KCND3: variants seen among roughly 807,000 people sequenced by gnomAD.
KCND3 encodes potassium voltage-gated channel subfamily D member 3, also known as A-type voltage-gated potassium channel KCND3.
KCND3 carries 9 observed loss-of-function variants against 51.1 expected under a neutral mutation model. The observed-to-expected ratio is 0.18, with a 90% CI of 0.11 to 0.31. The LOEUF (loss-of-function observed/expected upper bound fraction) is 0.31, where lower values mean the gene tolerates loss of function less well. Among genes scored for constraint, KCND3 ranks in the 10% least tolerant of loss-of-function variants. The pLI, the probability that KCND3 is intolerant of heterozygous loss-of-function variation, is 1.00. For missense variants in KCND3, 526 were observed against 903.8 expected (o/e 0.58, Z 5.36); for synonymous variants, 349 against 368.0 (o/e 0.95, Z 0.59).
At chr1:111,846,917 C>T (rs904436680) in intron 2 of KCND3, among the ~76,000 whole-genome samples, 43 of 152,168 alleles carry the variant, frequency 2.8e-4, no homozygotes, top group African/African-American at 1.0e-3. Context: ...ACTCACAGCA[C>T]GGTAGTACCT....
chr1:111,812,792 A>G (rs1665914878), intron 2 of KCND3, among the ~76,000 whole-genome samples: 1 of 152,144 alleles, frequency 6.6e-6, no homozygotes, highest in African/African-American at 2.4e-5. Context: ...GGGCACAGGG[A>G]GCCGGGCACA....
intron 1 of KCND3, among the ~76,000 whole-genome samples, chr1:111,984,520 C>T (rs988338138): frequency 6.6e-6 from 1 of 152,174 alleles, no homozygotes; most frequent in Non-Finnish European, 1.5e-5. Context: ...GCCTTCTTGT[C>T]TCTCACTCTC....
chr1:111,770,857 TGTACA>T lies in KCND3; in HGVS notation c.*5215_*5219del. 6.6e-6 allele frequency: 1 copy of T among 152,292 alleles called. No homozygotes were observed. The highest frequency in any genetic ancestry group is 2.1e-4 in the South Asian group (1 of 4,826). The allele number at this position is 152,292 out of a possible 1,614,324, so 9.4% of individuals were successfully genotyped here. On this transcript the variant is annotated 3_prime_UTR_variant, in exon 8 of 8. Transcript: ENST00000302127. ...TTCATGTTTTATCTTCCTGCAGTTT[TGTACA>T]GTATATTTCTTCTTTGCCATTGTGA...
intron 2 of KCND3, among the ~76,000 whole-genome samples, chr1:111,969,547 AAC>A (rs1233007415): frequency 1.3e-5 from 2 of 152,202 alleles, no homozygotes; most frequent in Non-Finnish European, 2.9e-5. Flanking sequence ...TCAGCTACAA[AAC>A]ACAGATAATA....
At position 111,780,373 on chromosome 1, in the gene KCND3, C is replaced by A; in HGVS notation, c.1372-59G>T. 1 of 1,434,022 alleles carries A rather than the reference C, an allele frequency of 7.0e-7. No homozygotes were observed. The highest frequency in any genetic ancestry group is 2.0e-5 in the Admixed American group (1 of 50,854). 88.8% of individuals were successfully genotyped at this position (1,434,022 alleles called of 1,614,324 possible). On this transcript the variant is annotated intron_variant, in intron 4 of 7. Coordinates refer to ENST00000302127, the MANE Select transcript of KCND3 (RefSeq NM_001378969.1). The surrounding 1 kb of genome is among the most constrained non-coding windows in gnomAD (Gnocchi z 4.2). Reference sequence around the variant, plus strand: ...CTGGTGGCTCTTCCCCTCTCCAGCTCCTTCATTTCTCCACTAAAGGTCAAA... The same window carrying A: ...CTGGTGGCTCTTCCCCTCTCCAGCTACTTCATTTCTCCACTAAAGGTCAAA...
intron 2 of KCND3, among the ~76,000 whole-genome samples, chr1:111,951,126 C>T (rs1214245358): frequency 5.1e-5 from 7 of 137,650 alleles, no homozygotes; most frequent in East Asian, 4.2e-4. Flanking sequence ...GCCAAGATCA[C>T]GCCATTGCAC....
At chr1:111,978,637 G>T (rs1298597350) in intron 2 of KCND3, among the ~76,000 whole-genome samples, 1 of 152,172 alleles carries the variant, frequency 6.6e-6, no homozygotes, top group Non-Finnish European at 1.5e-5. Context: ...GGCAGCCCAG[G>T]GAATAGATCA....
At chr1:111,846,111 T>A (rs1667535178) in intron 2 of KCND3, among the ~76,000 whole-genome samples, 1 of 152,222 alleles carries the variant, frequency 6.6e-6, no homozygotes. Flanking sequence ...GGTGACCATA[T>A]AATTTATCAT....
At chr1:111,943,087 G>A (rs17727131) in intron 2 of KCND3, among the ~76,000 whole-genome samples, 18,631 of 152,122 alleles carry the variant, frequency 0.12, 1,373 homozygotes, top group South Asian at 0.26. Flanking sequence ...TCCGGGAGAA[G>A]GGGACACCCA....
chr1:111,883,503 A>G (rs1430789681), intron 2 of KCND3, among the ~76,000 whole-genome samples: 1 of 152,212 alleles, frequency 6.6e-6, no homozygotes. Flanking sequence ...TTGGAATTCA[A>G]CCATGGACTC....
At chr1:111,890,409 C>A (rs1669774430) in intron 2 of KCND3, among the ~76,000 whole-genome samples, 1 of 152,144 alleles carries the variant, frequency 6.6e-6, no homozygotes, top group Admixed American at 6.5e-5. Context: ...GGATGGAGTT[C>A]TCCATCAATG....
At chr1:111,789,986 C>T (rs928846352) in intron 2 of KCND3, among the ~76,000 whole-genome samples, 2 of 152,152 alleles carry the variant, frequency 1.3e-5, no homozygotes, top group Non-Finnish European at 2.9e-5. Context: ...GGTCCTATGC[C>T]AGCAAAGGAA....
At position 111,805,105 on chromosome 1, in the gene KCND3, A is replaced by C. The variant is rs111857855; in HGVS notation, c.1107-17999T>G. 9.6e-3 allele frequency among the ~76,000 whole-genome samples: 1,459 copies of C among 152,318 alleles called. 29 individuals are homozygous for C. Among genetic ancestry groups the C allele is most frequent in the African/African-American group, 0.034 (1,398 of 41,560 alleles). On this transcript the variant is annotated intron_variant, in intron 2 of 7. Coordinates refer to ENST00000302127, the MANE Select transcript of KCND3 (RefSeq NM_001378969.1). The stretch of plus-strand genomic sequence containing the variant: ...TACAAAGCAGAGCCAGGTGGCATGG[A>C]GGAAAGGGCGGCCTAAGCTGACAGG...
At chr1:111,975,424 C>A (rs1235753311) in intron 2 of KCND3, among the ~76,000 whole-genome samples, 1 of 152,154 alleles carries the variant, frequency 6.6e-6, no homozygotes, top group Non-Finnish European at 1.5e-5. Context: ...GGAGCAGGAC[C>A]AACAAGCACT....
At position 111,795,281 on chromosome 1, in the gene KCND3, AC is replaced by A. The variant is rs1665008255; in HGVS notation, c.1107-8176del. ...AGTGAGCCCCAGCAGTGAGCCAGGA[AC>A]CAAAAAGATAGGATGGCTTTTAGGA... On this transcript the variant is annotated intron_variant, in intron 2 of 7. Transcript: ENST00000302127. Among the ~76,000 whole-genome samples, 3 of 152,330 alleles carry A rather than the reference AC, an allele frequency of 2.0e-5. No individual in the cohort carries two copies. In the South Asian group the frequency reaches 6.2e-4, roughly 32 times the overall value.
chr1:111,811,349 G>A (rs1233343964), intron 2 of KCND3, among the ~76,000 whole-genome samples: 1 of 152,100 alleles, frequency 6.6e-6, no homozygotes, highest in Admixed American at 6.6e-5. Context: ...GAGAGGTCAA[G>A]GAATTTAGAC....
At chr1:111,976,517 A>AC (rs1674634603) in intron 2 of KCND3, among the ~76,000 whole-genome samples, 2 of 152,390 alleles carry the variant, frequency 1.3e-5, no homozygotes, top group South Asian at 4.1e-4. Context: ...TTGAGTGAAC[A>AC]AATACTTATT....
chr1:111,942,032 A>T (rs1672546299), intron 2 of KCND3, among the ~76,000 whole-genome samples: 1 of 152,028 alleles, frequency 6.6e-6, no homozygotes, highest in Admixed American at 6.5e-5. Flanking sequence ...TGCTCCAGGG[A>T]CTTGGAGTAT....
At chr1:111,801,751 T>C (rs1011260940) in intron 2 of KCND3, among the ~76,000 whole-genome samples, 8 of 152,238 alleles carry the variant, frequency 5.3e-5, no homozygotes, top group Non-Finnish European at 1.0e-4. Flanking sequence ...TTCCCCACGC[T>C]GTGCTGCCCT....
Sources: allele counts gnomAD v4.1 joint callset (sites outside exome capture counted in the v4.1 genomes callset), GRCh38; gene constraint gnomAD v4.1.1; non-coding constraint Gnocchi (gnomAD v3.1); transcripts MANE v1.5; gene names NCBI Gene and HGNC (gene_info 2026-07-23, HGNC 2026-07-21).